The following CRELD1 variants were observed in gnomAD, a reference collection of about 807,000 sequenced individuals.
CRELD1 encodes protein disulfide isomerase CRELD1.
A neutral mutation model predicts 58.2 loss-of-function variants in CRELD1; 42 were observed. That is an observed-to-expected ratio of 0.72 (90% confidence interval 0.56 to 0.93). The LOEUF (loss-of-function observed/expected upper bound fraction) is 0.93. Among genes scored for constraint, CRELD1 ranks in the 40% least tolerant of loss-of-function variants. The pLI, the probability that CRELD1 is intolerant of heterozygous loss-of-function variation, is 0.00. For synonymous variants in CRELD1, 222 were observed against 202.0 expected (o/e 1.10, Z -0.84); for missense variants, 500 against 540.6 (o/e 0.92, Z 0.74).
chr3:9,935,034 C>A, intron 3 of CRELD1, 117 bp downstream of exon 3: 1 of 840,214 alleles, frequency 1.2e-6, no homozygotes, highest in Non-Finnish European at 1.9e-6. Flanking sequence ...TAGCACTGAA[C>A]ATCTATAGTA....
intron 3 of CRELD1, chr3:9,936,369 G>A (rs1040258600): frequency 2.6e-5 from 4 of 152,092 alleles, no homozygotes; most frequent in African/African-American, 7.2e-5. Context: ...TGGCTCCTGC[G>A]TTGCTTGCTT....
chr3:9,938,176 C>A, intron 5 of CRELD1, 70 bp downstream of exon 5: 2 of 1,209,584 alleles, frequency 1.7e-6, no homozygotes, highest in Non-Finnish European at 1.2e-6. Flanking sequence ...CTGGCTCTGT[C>A]CCTAGTTCGC....
Position 9,944,505 on chromosome 3 carries a change from G to C in CRELD1, c.1189G>C (p.Val397Leu). The C allele has an allele frequency of 6.2e-7, 1 of 1,612,886 alleles. No individual in the cohort carries two copies. Among genetic ancestry groups the C allele is most frequent in the Non-Finnish European group, 8.5e-7 (1 of 1,180,022 alleles). ...GTTCACCGCCATCTTCATTGGGGCT[G>C]TGGCGGCCATGACTGGCTACTGGTT... ...LVFTAIFIGA[V>L]AAMTGYWLSE... The change falls in exon 11 of 11, where the codon GTG becomes CTG. Residue 397 changes from valine to leucine, a missense_variant. Physicochemically the swap from Val to Leu is conservative, Grantham distance 32 (BLOSUM62 1). Coordinates refer to ENST00000452070, the MANE Select transcript of CRELD1 (RefSeq NM_001077415.3).
At chr3:9,944,255 G>C in intron 10 of CRELD1, 110 bp from the exon 11 acceptor site, 1 of 996,134 alleles carries the variant, frequency 1.0e-6, no homozygotes, top group South Asian at 1.3e-5. Context: ...TGGCTTGCTG[G>C]GCAGGCCTGG....
intron 3 of CRELD1, chr3:9,936,311 A>AT (rs1304236347): frequency 6.6e-6 from 1 of 152,124 alleles, no homozygotes; most frequent in Non-Finnish European, 1.5e-5. Flanking sequence ...TCATTCAGGA[A>AT]TGAGGGGATT....
intron 9 of CRELD1, 27 bp from the exon 10 acceptor site, chr3:9,943,354 G>A (rs1275790085): frequency 1.2e-6 from 2 of 1,613,844 alleles, no homozygotes; most frequent in Non-Finnish European, 1.7e-6. Flanking sequence ...GGCCCTAGCA[G>A]GACTCTGACC....
At chr3:9,940,250 A>G in intron 5 of CRELD1, among the ~76,000 whole-genome samples, 1 of 152,068 alleles carries the variant, frequency 6.6e-6, no homozygotes, top group Non-Finnish European at 1.5e-5. Flanking sequence ...GACGCTCCTC[A>G]CTTCCCAGAC....
In CRELD1 at chr3:9,943,374, C is replaced by G. The variant is rs200714636; in HGVS notation, c.914-7C>G. The G allele has an allele frequency of 6.8e-6, 11 of 1,613,902 alleles. 1 individual carries two copies. Among genetic ancestry groups the G allele is most frequent in the Non-Finnish European group, 9.3e-6 (11 of 1,179,972 alleles). ...TAGCAGGACTCTGACCCCTCCCTCC[C>G]CTCAAGATGTGGATGAGTGTGAGAC... On this transcript the variant is annotated splice_polypyrimidine_tract_variant and splice_region_variant and intron_variant, in intron 9 of 10. Transcript: ENST00000452070.
intron 6 of CRELD1, 34 bp downstream of exon 6, chr3:9,941,060 G>T (rs148082224): frequency 1.2e-5 from 20 of 1,614,178 alleles, no homozygotes; most frequent in Middle Eastern, 3.3e-4. Flanking sequence ...CTGGGCAGGG[G>T]CAGATGGGGC....
At chr3:9,935,218 A>G in intron 3 of CRELD1, 1 of 357,530 alleles carries the variant, frequency 2.8e-6, no homozygotes, top group South Asian at 2.7e-5. Context: ...GCATTTGAAC[A>G]GAGAGACAGG....
chr3:9,942,030 A>G (rs922056135), intron 7 of CRELD1, among the ~76,000 whole-genome samples: 1 of 152,072 alleles, frequency 6.6e-6, no homozygotes, highest in African/African-American at 2.4e-5. Flanking sequence ...GCACTTTGAG[A>G]GGCTGAAGTG....
Position 9,944,359 on chromosome 3 carries a change from C to G in CRELD1, c.1049-6C>G. ...GTGCCAGGCTGCATCTCTTGCTCCT[C>G]TGCAGAGTCAGCAGGCTTCTTCTCA... On this transcript the variant is annotated splice_polypyrimidine_tract_variant and splice_region_variant and intron_variant, in intron 10 of 10. Coordinates refer to ENST00000452070, the MANE Select transcript of CRELD1 (RefSeq NM_001077415.3). 1 of 1,613,230 alleles carries G rather than the reference C, an allele frequency of 6.2e-7. No individual in the cohort carries two copies. The highest frequency in any genetic ancestry group is 1.1e-5 in the South Asian group (1 of 91,058).
rs1427385729 is a variant in CRELD1, at chr3:9,934,892, G to C, written c.232G>C (p.Glu78Gln). The change falls in exon 3 of 11, where the codon GAG becomes CAG. Residue 78 changes from glutamate (E) to glutamine (Q), a missense_variant. Physicochemically the swap from Glu to Gln is conservative, Grantham distance 29. Coordinates refer to ENST00000452070, the MANE Select transcript of CRELD1 (RefSeq NM_001077415.3). Reference protein sequence around the residue: ...FGGGNTAWEEENLSKYKDSET... With the variant: ...FGGGNTAWEEQNLSKYKDSET... ...AGGTGGAAACACTGCCTGGGAGGAA[G>C]AGAATTTGTCCAAATACAAAGACAG... The C allele has an allele frequency of 6.2e-7, 1 of 1,612,792 alleles. No homozygotes were observed. Among genetic ancestry groups the C allele is most frequent in the Admixed American group, 1.7e-5 (1 of 59,858 alleles).
At chr3:9,935,088 A>C in intron 3 of CRELD1, 171 bp downstream of exon 3, 1 of 606,836 alleles carries the variant, frequency 1.6e-6, no homozygotes, top group South Asian at 2.0e-5. Context: ...CCTGGAGCTC[A>C]CATTCTAGTA....
In CRELD1 at chr3:9,941,132, G is replaced by A. The variant is rs138925944; in HGVS notation, c.659G>A (p.Arg220Gln). 1.3e-4 allele frequency: 207 copies of A among 1,614,086 alleles called. No individual in the cohort carries two copies. Among genetic ancestry groups the A allele is most frequent in the African/African-American group, 2.1e-4 (16 of 74,942 alleles). The change falls in exon 7 of 11, where the codon CGA becomes CAA. Residue 220 changes from arginine to glutamine, a missense_variant. Coordinates refer to ENST00000452070, the MANE Select transcript of CRELD1 (RefSeq NM_001077415.3). ...CCAGCTTGTTTTGGCCCCTGTGCCC[G>A]ATGCTCAGGACCTGAGGAATCAAAC... The part of the protein sequence containing the change: ...VCSACFGPCA[R>Q]CSGPEESNCL...
Position 9,944,490 on chromosome 3 carries a change from A to G in CRELD1, c.1174A>G (p.Ile392Val), listed in dbSNP as rs745830331. Residue 392 changes from isoleucine to valine, a missense_variant, in exon 11 of 11, where the codon ATC becomes GTC. Ile to Val is a conservative substitution (Grantham distance 29). Transcript: ENST00000452070. Reference protein sequence around the residue: ...AAKGDLVFTAIFIGAVAAMTG... With the variant: ...AAKGDLVFTAVFIGAVAAMTG... ...TAAGGGCGACTTGGTGTTCACCGCC[A>G]TCTTCATTGGGGCTGTGGCGGCCAT... The G allele has an allele frequency of 6.2e-7, 1 of 1,613,204 alleles. No individual in the cohort carries two copies. Among genetic ancestry groups the G allele is most frequent in the Non-Finnish European group, 8.5e-7 (1 of 1,180,022 alleles).
At chr3:9,934,299 T>A (rs2085097646) in intron 1 of CRELD1, 121 bp from the exon 2 acceptor site, 1 of 761,986 alleles carries the variant, frequency 1.3e-6, no homozygotes, top group Non-Finnish European at 2.3e-6. Context: ...ATACCCAGTT[T>A]GGCCTCTTTT....
rs761275781 is a variant in CRELD1 at position 9,938,074 on chromosome 3, G to T, written c.428G>T (p.Cys143Phe). The T allele has an allele frequency of 6.2e-7, 1 of 1,614,000 alleles. No individual in the cohort carries two copies. The highest frequency in any genetic ancestry group is 8.5e-7 in the Non-Finnish European group (1 of 1,180,014). ...TGCTCAGATTCCCTGAAGCTCTGCT[G>T]CCCCGCAGGCACCTTCGGGCCCTCC... ...WLCSDSLKLC[C>F]PAGTFGPSCL... Residue 143 changes from cysteine to phenylalanine, a missense_variant, in exon 5 of 11, where the codon TGC becomes TTC. By Grantham distance (205) the Cys-to-Phe change is radical. Transcript: ENST00000452070.
intron 10 of CRELD1, 100 bp from the exon 11 acceptor site, chr3:9,944,265 G>T: frequency 9.1e-7 from 1 of 1,096,794 alleles, no homozygotes; most frequent in Non-Finnish European, 1.4e-6. Flanking sequence ...GGCAGGCCTG[G>T]TGGCCATGAT....
Sources: gnomAD v4.1 joint callset for allele counts (sites outside exome capture counted in the v4.1 genomes callset) on GRCh38, gnomAD v4.1.1 for gene constraint, MANE v1.5 for transcripts, NCBI Gene and HGNC (gene_info 2026-07-23, HGNC 2026-07-21) for gene names.